The following NPAS3 variants were observed in gnomAD, a reference collection of about 807,000 sequenced individuals.
NPAS3 encodes the protein neuronal PAS domain protein 3.
NPAS3 carries 14 observed loss-of-function variants against 73.1 expected under a neutral mutation model. That is an observed-to-expected ratio of 0.19 (90% CI 0.13 to 0.30). The LOEUF is 0.30. Among genes scored for constraint, NPAS3 ranks in the 10% least tolerant of loss-of-function variants. The pLI, the probability that NPAS3 is intolerant of heterozygous loss-of-function variation, is 1.00. For synonymous variants in NPAS3, 620 were observed against 541.5 expected (o/e 1.14, Z -2.01); for missense variants, 1,096 against 1,250.0 (o/e 0.88, Z 1.86).
At chr14:33,422,618 A>C (rs1265183948) in intron 4 of NPAS3, among the ~76,000 whole-genome samples, 1 of 151,980 alleles carries the variant, frequency 6.6e-6, no homozygotes, top group African/African-American at 2.4e-5. Flanking sequence ...TCATGAGGGC[A>C]GAGTCCCTTT....
At chr14:33,001,764 C>T (rs1340177652) in intron 1 of NPAS3, among the ~76,000 whole-genome samples, 2 of 152,140 alleles carry the variant, frequency 1.3e-5, no homozygotes, top group African/African-American at 2.4e-5. Flanking sequence ...AACTCCACCC[C>T]GAATATTGCT....
At chr14:33,511,899 G>A (rs185396182) in intron 4 of NPAS3, among the ~76,000 whole-genome samples, 1 of 152,162 alleles carries the variant, frequency 6.6e-6, no homozygotes, top group Admixed American at 6.5e-5. Context: ...TGGAGGCCTT[G>A]TTTAAACTCC....
At chr14:33,190,306 T>A (rs2046123044) in intron 2 of NPAS3, among the ~76,000 whole-genome samples, 1 of 152,236 alleles carries the variant, frequency 6.6e-6, no homozygotes, top group South Asian at 2.1e-4. Flanking sequence ...GATGACTTTA[T>A]TCTTGTAAAT....
chr14:33,701,385 G>A (rs1039847726), intron 6 of NPAS3, among the ~76,000 whole-genome samples: 5 of 152,212 alleles, frequency 3.3e-5, no homozygotes, highest in Non-Finnish European at 5.9e-5. Context: ...CTGCAGGTCT[G>A]TTTGGCCATC....
intron 6 of NPAS3, among the ~76,000 whole-genome samples, chr14:33,679,486 TGAAG>T (rs139302399): frequency 0.052 from 7,941 of 152,302 alleles, 302 homozygotes; most frequent in South Asian, 0.17. Context: ...ATAACTAACA[TGAAG>T]GAACATTTTT....
chr14:33,543,947 A>C (rs1375806989), intron 4 of NPAS3, among the ~76,000 whole-genome samples: 1 of 700 alleles, frequency 1.4e-3, no homozygotes, highest in African/African-American at 4.7e-3. Context: ...GGCAAAGTGC[A>C]TATATATATA....
chr14:32,953,779 CACAGTAG>C (rs1414161216), intron 1 of NPAS3, among the ~76,000 whole-genome samples: 3 of 152,144 alleles, frequency 2.0e-5, no homozygotes, highest in Non-Finnish European at 2.9e-5. Context: ...TACCTGCACA[CACAGTAG>C]TGCAGTAGGT....
At chr14:33,197,966 C>G (rs927474181) in intron 2 of NPAS3, among the ~76,000 whole-genome samples, 5 of 151,566 alleles carry the variant, frequency 3.3e-5, no homozygotes, top group Non-Finnish European at 7.4e-5. Flanking sequence ...GAGTTTCTTC[C>G]TTGTGGTGGG....
At chr14:33,447,173 C>G (rs1236061993) in intron 4 of NPAS3, among the ~76,000 whole-genome samples, 2 of 152,214 alleles carry the variant, frequency 1.3e-5, no homozygotes, top group Non-Finnish European at 2.9e-5. Context: ...ACTATCTTAG[C>G]TTGGTGGTAG....
At chr14:33,673,359 T>C (rs9972246) in intron 5 of NPAS3, among the ~76,000 whole-genome samples, 102,925 of 152,146 alleles carry the variant, frequency 0.68, 35,086 homozygotes, top group African/African-American at 0.77. Flanking sequence ...AAGATTGTTA[T>C]GAGGATTAAT....
intron 3 of NPAS3, among the ~76,000 whole-genome samples, chr14:33,342,261 A>C (rs1337125934): frequency 6.6e-6 from 1 of 152,232 alleles, no homozygotes; most frequent in Non-Finnish European, 1.5e-5. Flanking sequence ...ACAGTTCTTC[A>C]AATAGAACTG....
chr14:33,294,015 C>T (rs1030213956), intron 3 of NPAS3, among the ~76,000 whole-genome samples: 9 of 152,058 alleles, frequency 5.9e-5, no homozygotes, highest in African/African-American at 2.2e-4. Flanking sequence ...AGGAAGTGCA[C>T]ACAAATAATC....
At chr14:33,568,549 T>C (rs1303282716) in intron 5 of NPAS3, among the ~76,000 whole-genome samples, 1 of 152,154 alleles carries the variant, frequency 6.6e-6, no homozygotes, top group Non-Finnish European at 1.5e-5. Flanking sequence ...CCTATAAGAA[T>C]GATGAGTGAA....
chr14:33,076,465 A>G (rs1218340401), intron 2 of NPAS3, among the ~76,000 whole-genome samples: 1 of 152,240 alleles, frequency 6.6e-6, no homozygotes, highest in African/African-American at 2.4e-5. Context: ...GATTCAGCAT[A>G]ATCCTTAGAA....
intron 7 of NPAS3, among the ~76,000 whole-genome samples, chr14:33,763,455 A>T (rs1055568349): frequency 3.3e-5 from 5 of 152,230 alleles, no homozygotes; most frequent in African/African-American, 1.2e-4. Flanking sequence ...ATAGAAAGTT[A>T]CAGAGGCTTA....
At chr14:33,475,650 C>G (rs1162394175) in intron 4 of NPAS3, among the ~76,000 whole-genome samples, 1 of 151,890 alleles carries the variant, frequency 6.6e-6, no homozygotes. Context: ...TTCCATCAAG[C>G]CGTTGCTATA....
At chr14:33,131,746 T>G (rs1434277751) in intron 2 of NPAS3, among the ~76,000 whole-genome samples, 1 of 152,158 alleles carries the variant, frequency 6.6e-6, no homozygotes, top group Non-Finnish European at 1.5e-5. Context: ...AAATGCCTAT[T>G]ATGGGCATGA....
At chr14:33,418,458 G>A (rs146587743) in intron 4 of NPAS3, among the ~76,000 whole-genome samples, 35 of 151,948 alleles carry the variant, frequency 2.3e-4, no homozygotes, top group African/African-American at 7.5e-4. Flanking sequence ...ATCTCCTAAG[G>A]CACTGAAAAT....
At chr14:33,039,028 T>G (rs2040263151) in intron 1 of NPAS3, among the ~76,000 whole-genome samples, 1 of 152,204 alleles carries the variant, frequency 6.6e-6, no homozygotes, top group Admixed American at 6.5e-5. Flanking sequence ...CATATTTGGA[T>G]GTCATCAGTA....
Sources: allele counts gnomAD v4.1 joint callset (sites outside exome capture counted in the v4.1 genomes callset), GRCh38; gene constraint gnomAD v4.1.1; transcripts MANE v1.5; gene names NCBI Gene and HGNC (gene_info 2026-07-23, HGNC 2026-07-21).